The following UNC5D variants were observed in gnomAD, a reference collection of about 807,000 sequenced individuals.
UNC5D encodes unc-5 netrin receptor D, also known as netrin receptor UNC5D.
A neutral mutation model predicts 105.4 loss-of-function variants in UNC5D; 39 were observed. The ratio of observed to expected loss-of-function variants is 0.37; its 90% CI spans 0.29 to 0.48. The LOEUF (loss-of-function observed/expected upper bound fraction) is 0.48, where lower values mean the gene tolerates loss of function less well. Among genes scored for constraint, UNC5D ranks in the 20% least tolerant of loss-of-function variants. The pLI, the probability that UNC5D is intolerant of heterozygous loss-of-function variation, is 0.98. For missense variants in UNC5D, 991 were observed against 1,202.4 expected (o/e 0.82, Z 2.60); for synonymous variants, 452 against 450.4 (o/e 1.00, Z -0.04).
chr8:35,566,397 T>C (rs1285936252), intron 2 of UNC5D, among the ~76,000 whole-genome samples: 7 of 152,226 alleles, frequency 4.6e-5, no homozygotes, highest in Admixed American at 2.6e-4. Flanking sequence ...TCTGGACTCA[T>C]TTTGATTATA....
chr8:35,519,696 AATACT>A (rs1342257241), intron 1 of UNC5D, among the ~76,000 whole-genome samples: 2 of 152,154 alleles, frequency 1.3e-5, no homozygotes, highest in Non-Finnish European at 1.5e-5. Flanking sequence ...ATAATAGTAG[AATACT>A]ATAATGAAAA....
At chr8:35,682,813 A>T (rs558748165) in intron 4 of UNC5D, among the ~76,000 whole-genome samples, 4 of 152,204 alleles carry the variant, frequency 2.6e-5, no homozygotes, top group African/African-American at 9.6e-5. Flanking sequence ...TTCAGCATCT[A>T]GGAGAAAACA....
chr8:35,693,738 C>A (rs1363737399), intron 7 of UNC5D, among the ~76,000 whole-genome samples: 1 of 151,938 alleles, frequency 6.6e-6, no homozygotes, highest in Non-Finnish European at 1.5e-5. Flanking sequence ...CCACTTTTTC[C>A]CCCCAAGATA....
chr8:35,389,444 C>T (rs997134799), intron 1 of UNC5D, among the ~76,000 whole-genome samples: 1 of 152,090 alleles, frequency 6.6e-6, no homozygotes, highest in Admixed American at 6.5e-5. Context: ...CTTTGAGTAA[C>T]AGAGAACTAG....
At position 35,790,649 on chromosome 8, in the gene UNC5D, G is replaced by C. The variant is rs906904625; in HGVS notation, c.*86G>C. ...AAGAGGCCGCTTTCTGCCCAGTGGC[G>C]TTGGGGGAATTCAGCCTTCATTTAT... On this transcript the variant is annotated 3_prime_UTR_variant, in exon 17 of 17. Coordinates refer to ENST00000404895, the MANE Select transcript of UNC5D (RefSeq NM_080872.4). 33 of 1,452,172 alleles carry C rather than the reference G, an allele frequency of 2.3e-5. No individual in the cohort carries two copies. In the African/African-American group the frequency reaches 4.6e-4, roughly 20 times the overall value. The allele number at this position is 1,452,172 out of a possible 1,614,324, so 90.0% of individuals were successfully genotyped here.
At chr8:35,280,479 T>A (rs889378590) in intron 1 of UNC5D, among the ~76,000 whole-genome samples, 1 of 152,190 alleles carries the variant, frequency 6.6e-6, no homozygotes, top group East Asian at 1.9e-4. Flanking sequence ...TGCATTGGAA[T>A]TGATTGTGAG....
chr8:35,265,712 T>C (rs1018997083), intron 1 of UNC5D, among the ~76,000 whole-genome samples: 1 of 151,734 alleles, frequency 6.6e-6, no homozygotes, highest in Non-Finnish European at 1.5e-5. Flanking sequence ...CTACTAAAAA[T>C]ACAAAAAATT....
intron 2 of UNC5D, among the ~76,000 whole-genome samples, chr8:35,562,393 T>C (rs947578586): frequency 2.0e-5 from 3 of 152,138 alleles, no homozygotes; most frequent in African/African-American, 4.8e-5. Context: ...ATTTTTAGTT[T>C]TTCAAGGAAC....
At chr8:35,685,513 T>A (rs1206230610) in intron 6 of UNC5D, among the ~76,000 whole-genome samples, 1 of 152,142 alleles carries the variant, frequency 6.6e-6, no homozygotes, top group African/African-American at 2.4e-5. Flanking sequence ...GTCTTTATAA[T>A]AAAATTGCAA....
rs1185276327 is a variant in UNC5D at position 35,726,246 on chromosome 8, G to A, written c.1398G>A (p.Lys466=). 6.2e-7 allele frequency: 1 copy of A among 1,614,156 alleles called. No individual in the cohort carries two copies. The highest frequency in any genetic ancestry group is 8.5e-7 in the Non-Finnish European group (1 of 1,180,014). Residue 466 remains lysine, a synonymous_variant, in exon 10 of 17, where the codon AAG becomes AAA. Transcript: ENST00000404895. ...TCTGTCTGCAGGACCCTCTGGACAA[G>A]GAGCTCATGACAGAGTCCTCACTCT... The part of the protein sequence containing the change: ...GPICLQDPLD[K]ELMTESSLFN...
intron 4 of UNC5D, among the ~76,000 whole-genome samples, chr8:35,640,015 G>A (rs1215543450): frequency 6.6e-6 from 1 of 152,000 alleles, no homozygotes; most frequent in Non-Finnish European, 1.5e-5. Flanking sequence ...ATGAGCCACT[G>A]TGCCTGGCCT....
intron 4 of UNC5D, among the ~76,000 whole-genome samples, chr8:35,677,241 T>G (rs1388242451): frequency 6.6e-6 from 1 of 152,180 alleles, no homozygotes; most frequent in African/African-American, 2.4e-5. Flanking sequence ...TTCATTGCAC[T>G]ATCATTTTTT....
chr8:35,652,224 C>T (rs1256382598), intron 4 of UNC5D, among the ~76,000 whole-genome samples: 2 of 152,098 alleles, frequency 1.3e-5, no homozygotes, highest in Admixed American at 1.3e-4. Flanking sequence ...GATGGTTAAA[C>T]TTGAACTTAA....
intron 1 of UNC5D, among the ~76,000 whole-genome samples, chr8:35,448,544 A>G (rs1807943076): frequency 1.3e-5 from 2 of 152,062 alleles, no homozygotes; most frequent in South Asian, 4.1e-4. Context: ...AGATATTCAA[A>G]TTCTTGACCC....
intron 4 of UNC5D, among the ~76,000 whole-genome samples, chr8:35,631,812 G>A (rs577935805): frequency 6.6e-6 from 1 of 152,338 alleles, no homozygotes; most frequent in African/African-American, 2.4e-5. Context: ...AGAGTAGTTA[G>A]AGAGCTTTGG....
intron 1 of UNC5D, among the ~76,000 whole-genome samples, chr8:35,477,763 G>C (rs181492657): frequency 6.6e-6 from 1 of 151,974 alleles, no homozygotes; most frequent in African/African-American, 2.4e-5. Flanking sequence ...ACACTCAGTG[G>C]TAATATTTGA....
intron 16 of UNC5D, among the ~76,000 whole-genome samples, chr8:35,787,366 G>A (rs1041622026): frequency 6.6e-6 from 1 of 152,154 alleles, no homozygotes; most frequent in Non-Finnish European, 1.5e-5. Context: ...ATTTACCCAT[G>A]CTAGAAACAA....
At chr8:35,679,524 G>A (rs1036733651) in intron 4 of UNC5D, among the ~76,000 whole-genome samples, 1 of 152,124 alleles carries the variant, frequency 6.6e-6, no homozygotes, top group Non-Finnish European at 1.5e-5. Flanking sequence ...GTACAGCATG[G>A]CTAAAGCTCG....
intron 1 of UNC5D, among the ~76,000 whole-genome samples, chr8:35,249,044 T>C (rs1349162151): frequency 4.5e-5 from 5 of 111,654 alleles, no homozygotes; most frequent in Middle Eastern, 4.4e-3. Context: ...ATATATATTA[T>C]ATAAAAATAA....
Sources: gnomAD v4.1 joint callset for allele counts (sites outside exome capture counted in the v4.1 genomes callset) on GRCh38, gnomAD v4.1.1 for gene constraint, MANE v1.5 for transcripts, NCBI Gene and HGNC (gene_info 2026-07-23, HGNC 2026-07-21) for gene names.